The following ARHGAP26 variants were observed in gnomAD, a reference collection of about 807,000 sequenced individuals.
ARHGAP26 encodes Rho GTPase activating protein 26.
ARHGAP26 carries 38 observed loss-of-function variants against 104.8 expected under a neutral mutation model. That is an observed-to-expected ratio of 0.36 (90% CI 0.28 to 0.48). ARHGAP26 has a LOEUF of 0.48. Ranked by LOEUF, ARHGAP26 falls within the 20% of genes least tolerant of loss-of-function variation. ARHGAP26 has a pLI of 0.99. For synonymous variants in ARHGAP26, 341 were observed against 340.0 expected, an observed-to-expected ratio of 1.00 and a Z score of -0.03; for missense variants, 704 against 947.9, an observed-to-expected ratio of 0.74 and a Z score of 3.38.
At chr5:142,929,722 C>G (rs1258298720) in intron 10 of ARHGAP26, among the ~76,000 whole-genome samples, 1 of 152,226 alleles carries the variant, frequency 6.6e-6, no homozygotes, top group African/African-American at 2.4e-5. Context: ...CGAACTTCCT[C>G]TGTGGCTTGG....
At chr5:142,890,778 A>AT (rs1256494063) in intron 5 of ARHGAP26, among the ~76,000 whole-genome samples, 2 of 151,954 alleles carry the variant, frequency 1.3e-5, no homozygotes, top group Non-Finnish European at 2.9e-5. Flanking sequence ...CATTTGGCCC[A>AT]TTTTCTCTTG....
intron 1 of ARHGAP26, among the ~76,000 whole-genome samples, chr5:142,821,012 T>A (rs1766053918): frequency 6.6e-6 from 1 of 152,192 alleles, no homozygotes; most frequent in Admixed American, 6.5e-5. Flanking sequence ...TTGCTCTGCT[T>A]AGAGCAGACA....
intron 9 of ARHGAP26, 108 bp downstream of exon 9, chr5:142,907,912 A>C (rs1761325506): frequency 1.5e-6 from 1 of 653,422 alleles, no homozygotes; most frequent in Non-Finnish European, 2.3e-6. Context: ...TTTCATCATA[A>C]ATTTAAAATT....
intron 17 of ARHGAP26, among the ~76,000 whole-genome samples, chr5:143,087,775 G>A (rs1012253579): frequency 6.7e-6 from 1 of 148,970 alleles, no homozygotes; most frequent in Admixed American, 6.8e-5. Context: ...TCAGCCTCCC[G>A]AGTAGCTGGG....
At chr5:142,936,923 T>C (rs749886777) in intron 11 of ARHGAP26, among the ~76,000 whole-genome samples, 4 of 152,152 alleles carry the variant, frequency 2.6e-5, no homozygotes, top group African/African-American at 7.2e-5. Flanking sequence ...TTGAAAACTT[T>C]TAGAAGAATG....
chr5:143,218,127 C>T (rs146024762), intron 22 of ARHGAP26, among the ~76,000 whole-genome samples: 2 of 152,264 alleles, frequency 1.3e-5, no homozygotes, highest in South Asian at 2.1e-4. Context: ...TTTGTGTCTG[C>T]GTGTTATCTG....
chr5:142,798,744 A>G (rs940713812), intron 1 of ARHGAP26, among the ~76,000 whole-genome samples: 2 of 152,172 alleles, frequency 1.3e-5, no homozygotes, highest in African/African-American at 4.8e-5. Flanking sequence ...GTGAACAGTT[A>G]TATATCCCTC....
intron 1 of ARHGAP26, among the ~76,000 whole-genome samples, chr5:142,838,229 GC>G: frequency 1.3e-5 from 2 of 151,854 alleles, no homozygotes; most frequent in Middle Eastern, 3.4e-3. Flanking sequence ...CTGCACTCCA[GC>G]CTGGGCAAGA....
At chr5:142,917,237 C>T (rs1379517916) in intron 10 of ARHGAP26, among the ~76,000 whole-genome samples, 1 of 152,072 alleles carries the variant, frequency 6.6e-6, no homozygotes, top group Non-Finnish European at 1.5e-5. Flanking sequence ...TGCGGTTTCG[C>T]CATGTTGACC....
intron 17 of ARHGAP26, among the ~76,000 whole-genome samples, chr5:143,072,317 A>G (rs995497037): frequency 3.3e-5 from 5 of 152,234 alleles, no homozygotes; most frequent in Admixed American, 6.5e-5. Flanking sequence ...AATGTTTTCC[A>G]TAGTACAGCC....
chr5:142,977,094 A>G (rs771119653), intron 11 of ARHGAP26, among the ~76,000 whole-genome samples: 1 of 152,218 alleles, frequency 6.6e-6, no homozygotes, highest in Non-Finnish European at 1.5e-5. Flanking sequence ...AACCACACAG[A>G]CAGAGCTGAG....
rs939524751 is a variant in ARHGAP26 at position 143,005,491 on chromosome 5, C to A, written c.1108-8589C>A. ...ACAAACCTGAAGATGGAGTTGGGATCAGCCCCACCCAAACCATATGAACTT... is the reference window on the plus strand; with the variant it reads ...ACAAACCTGAAGATGGAGTTGGGATAAGCCCCACCCAAACCATATGAACTT... On this transcript the variant is annotated intron_variant, in intron 11 of 22. Coordinates refer to ENST00000645722, the MANE Select transcript of ARHGAP26 (RefSeq NM_001135608.3). 1.8e-3 allele frequency among the ~76,000 whole-genome samples: 279 copies of A among 152,332 alleles called. 1 individual carries two copies. The highest frequency in any genetic ancestry group is 6.3e-3 in the African/African-American group (260 of 41,574).
At chr5:143,203,848 C>T (rs1048400390) in intron 20 of ARHGAP26, 4 of 151,940 alleles carry the variant, frequency 2.6e-5, no homozygotes, top group African/African-American at 9.7e-5. Flanking sequence ...CGCATGTTCT[C>T]ACTCATAAGT....
At chr5:143,109,469 T>A (rs1240610260) in intron 17 of ARHGAP26, among the ~76,000 whole-genome samples, 1 of 152,204 alleles carries the variant, frequency 6.6e-6, no homozygotes, top group Non-Finnish European at 1.5e-5. Flanking sequence ...TTTGTATTTT[T>A]TTTTTTAGAC....
intron 1 of ARHGAP26, among the ~76,000 whole-genome samples, chr5:142,813,678 G>A (rs965631655): frequency 1.3e-5 from 2 of 152,192 alleles, no homozygotes; most frequent in Admixed American, 6.5e-5. Context: ...TGCTGTGCCT[G>A]TGTCCTAATC....
rs548750964 is a variant in ARHGAP26, at chr5:142,876,457, A to G, written c.312+1286A>G. ...GTGATACAGTCTGGGTTCAAACCCA[A>G]GTCTGCATTATATTAAAAAATATTA... is the stretch of plus-strand genomic sequence containing the variant. On this transcript the variant is annotated intron_variant, in intron 3 of 22. Coordinates refer to ENST00000645722, the MANE Select transcript of ARHGAP26 (RefSeq NM_001135608.3). 5.3e-5 allele frequency among the ~76,000 whole-genome samples: 8 copies of G among 152,280 alleles called. No homozygotes were observed. In the South Asian group the frequency reaches 1.7e-3, roughly 32 times the overall value.
chr5:142,812,118 C>G (rs10043021), intron 1 of ARHGAP26, among the ~76,000 whole-genome samples: 21,351 of 152,160 alleles, frequency 0.14, 3,038 homozygotes, highest in African/African-American at 0.35. Flanking sequence ...CTTTTCCCCC[C>G]AGTGCTTCCT....
intron 2 of ARHGAP26, among the ~76,000 whole-genome samples, chr5:142,874,616 T>A (rs1186621979): frequency 6.6e-6 from 1 of 152,220 alleles, no homozygotes. Flanking sequence ...CTGCATTCTA[T>A]TAATGAGTGG....
At chr5:142,923,679 G>C (rs1763496847) in intron 10 of ARHGAP26, among the ~76,000 whole-genome samples, 1 of 152,096 alleles carries the variant, frequency 6.6e-6, no homozygotes, top group African/African-American at 2.4e-5. Flanking sequence ...GCTTCCCGAT[G>C]TTTTACGACT....
Sources: gnomAD v4.1 joint callset for allele counts (sites outside exome capture counted in the v4.1 genomes callset) on GRCh38, gnomAD v4.1.1 for gene constraint, MANE v1.5 for transcripts, NCBI Gene and HGNC (gene_info 2026-07-23, HGNC 2026-07-21) for gene names.